POGZ: variants seen among roughly 807,000 people sequenced by gnomAD.
POGZ encodes the protein pogo transposable element with ZNF domain.
A neutral mutation model predicts 134.6 loss-of-function variants in POGZ; 17 were observed. The observed-to-expected ratio is 0.13, with a 90% CI of 0.09 to 0.19. The LOEUF (loss-of-function observed/expected upper bound fraction) is 0.19. Ranked by LOEUF, POGZ falls within the 10% of genes least tolerant of loss-of-function variation. The probability of loss-of-function intolerance (pLI) is 1.00; values close to 1 mark genes in which losing one functional copy is unlikely to be tolerated. For synonymous variants in POGZ, 693 were observed against 657.1 expected, an observed-to-expected ratio of 1.05 and a Z score of -0.84; for missense variants, 1,306 against 1,769.7, an observed-to-expected ratio of 0.74 and a Z score of 4.70.
chr1:151,450,189 G>A (rs973091817), intron 1 of POGZ, among the ~76,000 whole-genome samples: 3 of 151,564 alleles, frequency 2.0e-5, no homozygotes, highest in East Asian at 1.9e-4. Context: ...CCACCACCAC[G>A]GCTGGCTAGT....
At chr1:151,455,968 C>T (rs1405565038) in intron 1 of POGZ, among the ~76,000 whole-genome samples, 2 of 149,302 alleles carry the variant, frequency 1.3e-5, no homozygotes, top group Non-Finnish European at 3.0e-5. Flanking sequence ...AACTCCAACT[C>T]CTGGGCTCAC....
At chr1:151,429,566 G>T in intron 5 of POGZ, 37 bp downstream of exon 5, 1 of 1,017,226 alleles carries the variant, frequency 9.8e-7, no homozygotes, top group Non-Finnish European at 1.5e-6. Context: ...TCTTCTGGAT[G>T]CCAGTTTATT....
chr1:151,449,930 CA>C (rs1661817219), intron 1 of POGZ, among the ~76,000 whole-genome samples: 1 of 151,092 alleles, frequency 6.6e-6, no homozygotes, highest in South Asian at 2.1e-4. Flanking sequence ...ATGAATTATT[CA>C]AATGGTTATA....
At chr1:151,415,757 A>C (rs1655532020) in intron 10 of POGZ, among the ~76,000 whole-genome samples, 1 of 152,082 alleles carries the variant, frequency 6.6e-6, no homozygotes, top group South Asian at 2.1e-4. Context: ...TAACAGTCTT[A>C]ACCATTTTTT....
rs773993469 is a variant in POGZ at position 151,408,454 on chromosome 1, T to C, written c.2189A>G (p.Tyr730Cys). Residue 730 changes from tyrosine (Y) to cysteine (C), a missense_variant, in exon 14 of 19, where the codon TAT becomes TGT. By Grantham distance (194) the Tyr-to-Cys change is radical (BLOSUM62 -2). Around this residue, in one of 10 missense-constraint regions of POGZ, gnomAD observed 149 missense variants for 237.5 expected, o/e 0.63. Coordinates refer to ENST00000271715, the MANE Select transcript of POGZ (RefSeq NM_015100.4). ...CTGGATGCTGCGCTGGACAGGGGGATAAAGGAAGACAGGCAGAGGGTCCAT... is the reference window on the plus strand; with the variant it reads ...CTGGATGCTGCGCTGGACAGGGGGACAAAGGAAGACAGGCAGAGGGTCCAT... The part of the protein sequence containing the change: ...SSMDPLPVFL[Y>C]PPVQRSIQKR... 3 of 1,593,894 alleles carry C rather than the reference T, an allele frequency of 1.9e-6. No homozygotes were observed. The Admixed American group carries it at 5.8e-5, about 31-fold the overall frequency.
Position 151,421,011 on chromosome 1 carries a change from A to G in POGZ, c.1678+2386T>C, listed in dbSNP as rs556962746. On this transcript the variant is annotated intron_variant, in intron 10 of 18. Coordinates refer to ENST00000271715, the MANE Select transcript of POGZ (RefSeq NM_015100.4). ...TTCATATATATATATATATATACCT[A>G]TGATAAAGTTTAATTTATAAATTAG... Among the ~76,000 whole-genome samples the G allele has an allele frequency of 3.4e-5, 5 of 146,558 alleles. No individual in the cohort carries two copies. In the South Asian group the frequency reaches 1.1e-3, roughly 31 times the overall value.
At position 151,407,025 on chromosome 1, in the gene POGZ, T is replaced by TA; in HGVS notation, c.2433-3dup. The TA allele has an allele frequency of 6.2e-7, 1 of 1,609,404 alleles. No individual in the cohort carries two copies. The highest frequency in any genetic ancestry group is 8.5e-7 in the Non-Finnish European group (1 of 1,176,006). On this transcript the variant is annotated splice_region_variant and splice_polypyrimidine_tract_variant and intron_variant, in intron 16 of 18. Transcript: ENST00000271715. The stretch of plus-strand genomic sequence containing the variant: ...GAAGTGCAGGCCAGCTTGATTCCAC[T>TA]AAAAAAGAGAATTGAGACTATGTAA...
rs540844928 is a variant in POGZ, at chr1:151,415,313, C to CT, written c.1679-2918dup. 7.2e-5 allele frequency among the ~76,000 whole-genome samples: 11 copies of CT among 152,228 alleles called. No homozygotes were observed. The East Asian group carries it at 1.9e-3, about 27-fold the overall frequency. ...GATTAGAATAACCTACATCTGTTACCTTTAATGAGATGCTCAGGAAGTGGA... is the reference window on the plus strand; with the variant it reads ...GATTAGAATAACCTACATCTGTTACCTTTTAATGAGATGCTCAGGAAGTGGA... On this transcript the variant is annotated intron_variant, in intron 10 of 18. Coordinates refer to ENST00000271715, the MANE Select transcript of POGZ (RefSeq NM_015100.4).
At chr1:151,429,740 C>T (rs1658386333) in intron 4 of POGZ, 29 bp from the exon 5 acceptor site, 1 of 1,307,564 alleles carries the variant, frequency 7.6e-7, no homozygotes, top group South Asian at 1.2e-5. Flanking sequence ...TGATCTTTAA[C>T]ATGGAGACCA....
At chr1:151,445,186 G>A (rs1240977235) in intron 1 of POGZ, among the ~76,000 whole-genome samples, 1 of 152,090 alleles carries the variant, frequency 6.6e-6, no homozygotes, top group Non-Finnish European at 1.5e-5. Flanking sequence ...TATGAGTACT[G>A]CCAAGATATC....
Position 151,405,766 on chromosome 1 carries a change from G to A in POGZ, c.3269C>T (p.Ala1090Val). The A allele has an allele frequency of 6.2e-7, 1 of 1,614,176 alleles. No individual in the cohort carries two copies. The highest frequency in any genetic ancestry group is 2.2e-5 in the East Asian group (1 of 44,878). Reference protein sequence around the residue: ...HLTPHARRAVAHTLPKDVAEN... With the variant: ...HLTPHARRAVVHTLPKDVAEN... ...TGCTACATCCTTAGGTAGGGTGTGG[G>A]CCACAGCTCGCCGGGCATGGGGAGT... Residue 1090 changes from alanine (A) to valine (V), a missense_variant, in exon 19 of 19, where the codon GCC becomes GTC. Coordinates refer to ENST00000271715, the MANE Select transcript of POGZ (RefSeq NM_015100.4). This position sits in a 1 kb window ranked among gnomAD's most constrained non-coding sequence, Gnocchi z 4.9.
chr1:151,417,140 T>C (rs1043149266), intron 10 of POGZ, among the ~76,000 whole-genome samples: 4 of 151,860 alleles, frequency 2.6e-5, no homozygotes, highest in Admixed American at 2.6e-4. Context: ...CTCAGCTCAC[T>C]GCAACCTTCG....
rs543098763 is a variant in POGZ, at chr1:151,449,169, G to A, written c.-1-6964C>T. On this transcript the variant is annotated intron_variant, in intron 1 of 18. Transcript: ENST00000271715. Reference sequence around the variant, plus strand: ...TGTTCTCCAACATATATCAGGCACCGCCCAAGCTATACACTACATCTGCAG... The same window carrying A: ...TGTTCTCCAACATATATCAGGCACCACCCAAGCTATACACTACATCTGCAG... Among the ~76,000 whole-genome samples the A allele has an allele frequency of 3.8e-4, 58 of 152,234 alleles. No homozygotes were observed. In the South Asian group the frequency reaches 7.5e-3, roughly 20 times the overall value.
chr1:151,430,625 TTC>T (rs750749866), intron 4 of POGZ, 39 bp downstream of exon 4: 1 of 1,518,646 alleles, frequency 6.6e-7, no homozygotes, highest in Non-Finnish European at 9.1e-7. Flanking sequence ...TTTATAGTCT[TTC>T]TCTCCTCTAG....
rs772989205 is a variant in POGZ at position 151,429,618 on chromosome 1, T to C, written c.553A>G (p.Ile185Val). The change falls in exon 5 of 19, where the codon ATT becomes GTT. Residue 185 changes from isoleucine to valine, a missense_variant. By Grantham distance (29) the Ile-to-Val change is conservative. Transcript: ENST00000271715. The stretch of plus-strand genomic sequence containing the variant: ...TTTTCCTTACCTGGAACTAGTGTAA[T>C]TGGTCTAACCGTTTGGCCTTGCTGT... ...NVQQGQTVRP[I>V]TLVPAPGTQF... is the part of the protein sequence containing the mutation. The C allele has an allele frequency of 3.1e-6, 5 of 1,590,822 alleles. No individual in the cohort carries two copies. The highest frequency in any genetic ancestry group is 3.4e-6 in the Non-Finnish European group (4 of 1,159,848).
rs1378940291 is a variant in POGZ at position 151,440,849 on chromosome 1, G to A, written c.283+79C>T. ...AACCACATCTGTACCTAACTAAACAGGTAGGGCTGTCCCTGAGACCTTTTT... is the reference window on the plus strand; with the variant it reads ...AACCACATCTGTACCTAACTAAACAAGTAGGGCTGTCCCTGAGACCTTTTT... On this transcript the variant is annotated intron_variant, in intron 3 of 18. Coordinates refer to ENST00000271715, the MANE Select transcript of POGZ (RefSeq NM_015100.4). 2.5e-6 allele frequency: 3 copies of A among 1,202,738 alleles called. No homozygotes were observed. The African/African-American group carries it at 4.5e-5, about 18-fold the overall frequency. 74.5% of individuals were successfully genotyped at this position (1,202,738 alleles called of 1,614,324 possible). A position where few individuals can be genotyped will look rare whatever the true frequency, so the allele number is the denominator to read the frequency against.
intron 12 of POGZ, among the ~76,000 whole-genome samples, chr1:151,409,577 T>C (rs1452568157): frequency 6.6e-6 from 1 of 152,198 alleles, no homozygotes; most frequent in East Asian, 1.9e-4. Flanking sequence ...GTTCAAGTGA[T>C]CTACCTGCCT....
intron 2 of POGZ, 98 bp downstream of exon 2, chr1:151,441,983 G>A (rs1571538457): frequency 1.2e-6 from 1 of 854,832 alleles, no homozygotes; most frequent in East Asian, 2.6e-5. Flanking sequence ...AGGTCTCCCT[G>A]GATTCTTCAA....
chr1:151,447,677 A>AG (rs1387984127), intron 1 of POGZ, among the ~76,000 whole-genome samples: 10 of 83,142 alleles, frequency 1.2e-4, no homozygotes, highest in Non-Finnish European at 2.0e-4. Flanking sequence ...TTTGGTAGAG[A>AG]GGGGGTCTTA....
Sources: gnomAD v4.1 joint callset for allele counts (sites outside exome capture counted in the v4.1 genomes callset) on GRCh38, gnomAD v4.1.1 for gene constraint, gnomAD v4.1.1 regional missense constraint, Gnocchi (gnomAD v3.1) non-coding constraint, MANE v1.5 for transcripts, NCBI Gene and HGNC (gene_info 2026-07-23, HGNC 2026-07-21) for gene names.